The following NHS variants were observed in gnomAD, a reference collection of about 807,000 sequenced individuals.
NHS encodes NHS actin remodeling regulator, also known as actin remodeling regulator NHS.
In NHS, 5 loss-of-function variants were observed where a neutral mutation model predicts 72.5. The observed-to-expected ratio is 0.07, with a 90% confidence interval of 0.04 to 0.14. The LOEUF (loss-of-function observed/expected upper bound fraction) is 0.14, where lower values mean the gene tolerates loss of function less well. NHS is among the 10% of genes least tolerant of loss of function. NHS has a pLI of 1.00. For synonymous variants in NHS, 464 were observed against 547.7 expected (o/e 0.85, Z 2.13); for missense variants, 1,072 against 1,355.7 (o/e 0.79, Z 3.29).
intron 1 of NHS, among the ~76,000 whole-genome samples, chrX:17,530,365 G>A (rs992018959): frequency 9.0e-6 from 1 of 111,415 alleles, no homozygotes; most frequent in Non-Finnish European, 1.9e-5. Context: ...CAGGTTTCTG[G>A]AGAGATGGAT....
chrX:17,442,128 T>C (rs146422473), intron 1 of NHS, among the ~76,000 whole-genome samples: 2 of 112,438 alleles, frequency 1.8e-5, no homozygotes, highest in African/African-American at 6.5e-5. Flanking sequence ...AGTGGCAAGA[T>C]AAAGGAAATG....
At chrX:17,416,288 C>T (rs192874587) in intron 1 of NHS, among the ~76,000 whole-genome samples, 4 of 111,755 alleles carry the variant, frequency 3.6e-5, no homozygotes, top group Admixed American at 9.5e-5. Flanking sequence ...AACTCCTTAG[C>T]AAGGTGTAGG....
intron 3 of NHS, among the ~76,000 whole-genome samples, chrX:17,703,126 A>G (rs2066276071): frequency 9.1e-6 from 1 of 110,445 alleles, no homozygotes; most frequent in Admixed American, 9.7e-5. Flanking sequence ...AAAAAGAAAG[A>G]AAGAAAGGAA....
At position 17,539,449 on chromosome X, in the gene NHS, G is replaced by C. The variant is rs766529476; in HGVS notation, c.566-148293G>C. Among the ~76,000 whole-genome samples the C allele has an allele frequency of 6.3e-5, 7 of 110,548 alleles. No homozygotes were observed. The East Asian group carries it at 1.4e-3, about 23-fold the overall frequency. ...ATAAGCTTCATGGGGTCAGAGACCT[G>C]TGTCTGGTTCACTGCTGTATCTCCA... On this transcript the variant is annotated intron_variant, in intron 1 of 8. Transcript: ENST00000676302.
intron 1 of NHS, among the ~76,000 whole-genome samples, chrX:17,504,132 C>T (rs1227144733): frequency 2.7e-5 from 3 of 112,182 alleles, no homozygotes; most frequent in Non-Finnish European, 3.8e-5. Flanking sequence ...AGGAAATCTA[C>T]TCTTTGAGCA....
At chrX:17,539,457 T>C (rs2146950666) in intron 1 of NHS, among the ~76,000 whole-genome samples, 1 of 110,725 alleles carries the variant, frequency 9.0e-6, no homozygotes, top group African/African-American at 3.3e-5. Flanking sequence ...CTGTGTCTGG[T>C]TCACTGCTGT....
At chrX:17,693,186 C>T (rs1428799131) in intron 3 of NHS, among the ~76,000 whole-genome samples, 2 of 112,351 alleles carry the variant, frequency 1.8e-5, no homozygotes, top group Non-Finnish European at 3.8e-5. Context: ...CCCAAGCCCT[C>T]AAGCATGGGT....
In NHS at chrX:17,378,619, G is replaced by A. The variant is rs181695268; in HGVS notation, c.565+2297G>A. Among the ~76,000 whole-genome samples the A allele has an allele frequency of 2.3e-4, 26 of 112,102 alleles. No individual in the cohort carries two copies. In the East Asian group the frequency reaches 6.2e-3, roughly 27 times the overall value. On this transcript the variant is annotated intron_variant, in intron 1 of 8. Coordinates refer to ENST00000676302, the MANE Select transcript of NHS (RefSeq NM_001291867.2). ...GAAGGGTTCCCTGGAAGCACAGAGAGGGGGTAGGGAAGTGAGACAGGAAAG... is the reference window on the plus strand; with the variant it reads ...GAAGGGTTCCCTGGAAGCACAGAGAAGGGGTAGGGAAGTGAGACAGGAAAG...
chrX:17,723,783 G>GCA (rs1400123965), intron 5 of NHS, among the ~76,000 whole-genome samples: 2 of 107,909 alleles, frequency 1.9e-5, no homozygotes, highest in African/African-American at 6.8e-5. Flanking sequence ...GCGCGCGTGC[G>GCA]CGCATGGGGA....
intron 1 of NHS, among the ~76,000 whole-genome samples, chrX:17,459,867 A>C (rs745460016): frequency 2.7e-4 from 30 of 112,583 alleles, no homozygotes; most frequent in Non-Finnish European, 5.1e-4. Context: ...GAAAACTTGC[A>C]TAAGAGCAGT....
chrX:17,669,019 G>A (rs188096158), intron 1 of NHS, among the ~76,000 whole-genome samples: 6 of 112,197 alleles, frequency 5.3e-5, no homozygotes, highest in African/African-American at 1.3e-4. Flanking sequence ...CCTTCTGACT[G>A]TTGAAGTGAA....
At chrX:17,405,148 G>T (rs1045542360) in intron 1 of NHS, among the ~76,000 whole-genome samples, 30 of 111,943 alleles carry the variant, frequency 2.7e-4, no homozygotes, top group South Asian at 3.8e-4. Flanking sequence ...TTCCAAGCCT[G>T]CATCTGACAG....
intron 1 of NHS, among the ~76,000 whole-genome samples, chrX:17,570,148 G>A (rs759639486): frequency 4.5e-5 from 5 of 112,095 alleles, no homozygotes; most frequent in Admixed American, 9.4e-5. Context: ...TCTTGGCTAT[G>A]TGGGCTCTTT....
chrX:17,411,165 A>G (rs1481320283), intron 1 of NHS, among the ~76,000 whole-genome samples: 1 of 112,424 alleles, frequency 8.9e-6, no homozygotes, highest in East Asian at 2.8e-4. Flanking sequence ...AATCATTTTA[A>G]TATGCCACAT....
chrX:17,378,843 G>C (rs1162047619), intron 1 of NHS, among the ~76,000 whole-genome samples: 1 of 111,812 alleles, frequency 8.9e-6, no homozygotes, highest in Admixed American at 9.4e-5. Flanking sequence ...CATGGCTTCT[G>C]GGTCTTGCCC....
chrX:17,400,237 C>G (rs2064496709), intron 1 of NHS, among the ~76,000 whole-genome samples: 1 of 111,471 alleles, frequency 9.0e-6, no homozygotes, highest in Non-Finnish European at 1.9e-5. Context: ...GATCAATACA[C>G]AAAATTCAAC....
At chrX:17,631,980 A>T (rs2147068579) in intron 1 of NHS, among the ~76,000 whole-genome samples, 1 of 111,851 alleles carries the variant, frequency 8.9e-6, no homozygotes, top group East Asian at 2.8e-4. Flanking sequence ...TGAAAGAAGG[A>T]ACATGCCCCT....
At position 17,602,012 on chromosome X, in the gene NHS, T is replaced by C. The variant is rs183629180; in HGVS notation, c.566-85730T>C. Among the ~76,000 whole-genome samples the C allele has an allele frequency of 4.8e-4, 54 of 112,025 alleles. 1 individual carries two copies. Among genetic ancestry groups the C allele is most frequent in the African/African-American group, 1.2e-3 (36 of 30,831 alleles). ...TTCTCTTACAAACTTGGCTTTAACA[T>C]ATAAATGTGAGGTGTCAGTGCATGC... On this transcript the variant is annotated intron_variant, in intron 1 of 8. Transcript: ENST00000676302.
At chrX:17,525,303 A>G (rs1224918295) in intron 1 of NHS, among the ~76,000 whole-genome samples, 1 of 112,020 alleles carries the variant, frequency 8.9e-6, no homozygotes, top group Non-Finnish European at 1.9e-5. Flanking sequence ...AGCAATAATA[A>G]TATCTTCTCA....
Sources: gnomAD v4.1 joint callset for allele counts (sites outside exome capture counted in the v4.1 genomes callset) on GRCh38, gnomAD v4.1.1 for gene constraint, MANE v1.5 for transcripts, NCBI Gene and HGNC (gene_info 2026-07-23, HGNC 2026-07-21) for gene names.